Variants in DAB1 observed in about 807,000 individuals in gnomAD.
The protein encoded by DAB1 is DAB adaptor protein 1, also known as disabled homolog 1.
DAB1 carries 15 observed loss-of-function variants against 64.6 expected under a neutral mutation model. The ratio of observed to expected loss-of-function variants is 0.23; its 90% CI spans 0.16 to 0.36. The LOEUF is 0.36. Among genes scored for constraint, DAB1 ranks in the 10% least tolerant of loss-of-function variants. DAB1 has a pLI of 1.00. For synonymous variants in DAB1, 235 were observed against 251.9 expected, an observed-to-expected ratio of 0.93 and a Z score of 0.64; for missense variants, 596 against 706.7, an observed-to-expected ratio of 0.84 and a Z score of 1.78.
intron 4 of DAB1, among the ~76,000 whole-genome samples, chr1:57,105,088 C>G (rs536250): frequency 0.8 from 122,274 of 152,042 alleles, 49,338 homozygotes; most frequent in East Asian, 0.98. Flanking sequence ...GGGTAGGAGA[C>G]GCCAGCAGGT....
At chr1:58,067,961 T>C (rs186340118) in intron 5 of DAB1, among the ~76,000 whole-genome samples, 2 of 152,372 alleles carry the variant, frequency 1.3e-5, no homozygotes, top group Non-Finnish European at 1.5e-5. Context: ...TATACTATTG[T>C]CACAAACAGT....
intron 2 of DAB1, among the ~76,000 whole-genome samples, chr1:58,523,201 T>C (rs780292195): frequency 3.4e-4 from 52 of 152,214 alleles, no homozygotes; most frequent in Non-Finnish European, 2.9e-5. Flanking sequence ...AAGATCTGTA[T>C]ATTGAAACCC....
At chr1:57,424,667 G>A (rs4912250), upstream of DAB1, among the ~76,000 whole-genome samples, 17,257 of 152,206 alleles carry the variant, frequency 0.11, 1,867 homozygotes, top group African/African-American at 0.28. Context: ...GGGAGTCTCC[G>A]CGAGGGCATG....
chr1:58,158,284 T>G (rs545673504), intron 4 of DAB1, among the ~76,000 whole-genome samples: 35 of 152,302 alleles, frequency 2.3e-4, no homozygotes, highest in African/African-American at 7.2e-4. Context: ...TGTAATGGAT[T>G]AGTTCAGAGC....
At chr1:57,689,743 T>C (rs1037542641) in intron 6 of DAB1, among the ~76,000 whole-genome samples, 1 of 152,168 alleles carries the variant, frequency 6.6e-6, no homozygotes, top group Non-Finnish European at 1.5e-5. Context: ...CCAACAAGCA[T>C]TTATCTTTGT....
chr1:57,009,455 A>G (rs1242371264), intron 14 of DAB1, among the ~76,000 whole-genome samples: 2 of 152,224 alleles, frequency 1.3e-5, no homozygotes, highest in African/African-American at 4.8e-5. Flanking sequence ...TAATAAAAAT[A>G]CCTGTTAACA....
chr1:58,370,825 C>T (rs905175456), intron 3 of DAB1, among the ~76,000 whole-genome samples: 26 of 152,194 alleles, frequency 1.7e-4, no homozygotes, highest in Non-Finnish European at 7.3e-5. Flanking sequence ...TCATGTAAGA[C>T]ATGCCTTGCT....
chr1:57,373,894 G>T lies in DAB1; in HGVS notation c.-137+50036C>A, dbSNP rs141740932. Among the ~76,000 whole-genome samples the T allele has an allele frequency of 5.3e-5, 8 of 152,216 alleles. No individual in the cohort carries two copies. In the South Asian group the frequency reaches 6.2e-4, roughly 12 times the overall value. On this transcript the variant is annotated intron_variant, in intron 1 of 14. Transcript: ENST00000371236. ...ACACATATCAGAAGATACTTAAAGG[G>T]TTATTAAAGAATTGGATACAATTTT... is the stretch of plus-strand genomic sequence containing the variant.
intron 3 of DAB1, among the ~76,000 whole-genome samples, chr1:58,431,227 T>C (rs1644867330): frequency 1.3e-5 from 2 of 151,946 alleles, no homozygotes; most frequent in South Asian, 4.2e-4. Flanking sequence ...ATCCAAGAGC[T>C]AATGCCAGTG....
At chr1:57,262,596 C>T (rs902999330) in intron 2 of DAB1, among the ~76,000 whole-genome samples, 1 of 152,228 alleles carries the variant, frequency 6.6e-6, no homozygotes, top group Non-Finnish European at 1.5e-5. Flanking sequence ...CACCTACTTT[C>T]CGCTCTTATC....
chr1:57,617,676 A>G (rs1003282518), intron 7 of DAB1, among the ~76,000 whole-genome samples: 10 of 152,174 alleles, frequency 6.6e-5, no homozygotes, highest in Non-Finnish European at 2.9e-5. Context: ...CTGACATTTT[A>G]TAAAATGACA....
At chr1:58,490,496 G>T (rs1422459706) in intron 3 of DAB1, among the ~76,000 whole-genome samples, 1 of 152,166 alleles carries the variant, frequency 6.6e-6, no homozygotes, top group Non-Finnish European at 1.5e-5. Context: ...AGGGAGAATG[G>T]AACCAAGTTG....
At chr1:57,062,774 TG>T (rs756477857) in intron 9 of DAB1, 109 bp downstream of exon 9, 58 of 874,734 alleles carry the variant, frequency 6.6e-5, no homozygotes, top group Non-Finnish European at 9.9e-5. Context: ...CAGAAACATG[TG>T]GGGCCATGAC....
At chr1:58,118,031 G>A (rs1652454187) in intron 5 of DAB1, among the ~76,000 whole-genome samples, 1 of 151,680 alleles carries the variant, frequency 6.6e-6, no homozygotes, top group African/African-American at 2.4e-5. Context: ...AGCCTCCTGA[G>A]TAGCTGGGAT....
intron 5 of DAB1, among the ~76,000 whole-genome samples, chr1:58,032,339 A>T (rs1646984233): frequency 6.6e-6 from 1 of 152,140 alleles, no homozygotes; most frequent in South Asian, 2.1e-4. Flanking sequence ...AGGTAATAAA[A>T]ATAAGCCTTT....
intron 5 of DAB1, among the ~76,000 whole-genome samples, chr1:57,943,283 C>T (rs1157628771): frequency 2.0e-5 from 3 of 152,128 alleles, no homozygotes; most frequent in Non-Finnish European, 4.4e-5. Context: ...ACATATAATG[C>T]AAGAGTAAAC....
intron 3 of DAB1, among the ~76,000 whole-genome samples, chr1:58,378,922 G>A (rs1210154405): frequency 1.2e-5 from 1 of 83,284 alleles, no homozygotes; most frequent in Non-Finnish European, 2.3e-5. Context: ...CGCAATATTC[G>A]GGTGGGAGTG....
At chr1:57,243,891 A>G (rs951640483) in intron 2 of DAB1, among the ~76,000 whole-genome samples, 1 of 152,174 alleles carries the variant, frequency 6.6e-6, no homozygotes, top group Non-Finnish European at 1.5e-5. Context: ...TTTTGTAAAC[A>G]TTTGGAACCA....
At chr1:57,648,344 A>C (rs1646218350) in intron 7 of DAB1, among the ~76,000 whole-genome samples, 1 of 152,138 alleles carries the variant, frequency 6.6e-6, no homozygotes, top group Non-Finnish European at 1.5e-5. Context: ...ATTGAACTCT[A>C]TTCATTAGAG....
Sources: allele counts gnomAD v4.1 joint callset (sites outside exome capture counted in the v4.1 genomes callset), GRCh38; gene constraint gnomAD v4.1.1; transcripts MANE v1.5; gene names NCBI Gene and HGNC (gene_info 2026-07-23, HGNC 2026-07-21).